Variants in ITGA3 observed in about 807,000 individuals in gnomAD.
The protein encoded by ITGA3 is integrin alpha-3.
ITGA3 carries 70 observed loss-of-function variants against 131.1 expected under a neutral mutation model. That is an observed-to-expected ratio of 0.53 (90% CI 0.44 to 0.65). The LOEUF (loss-of-function observed/expected upper bound fraction) is 0.65. Ranked by LOEUF, ITGA3 falls within the 30% of genes least tolerant of loss-of-function variation. The pLI is 0.00. For missense variants in ITGA3, 1,098 were observed against 1,388.6 expected, an observed-to-expected ratio of 0.79 and a Z score of 3.33; for synonymous variants, 537 against 571.6, an observed-to-expected ratio of 0.94 and a Z score of 0.86.
Position 50,056,452 on chromosome 17 carries a change from C to A in ITGA3, c.13C>A (p.Pro5Thr). ...TCCGCTGGCAGCCATGGGCCCCGGC[C>A]CCAGCCGCGCGCCCCGCGCCCCACG... MGPGPSRAPRAPRLM... is the reference protein window; with the variant it reads MGPGTSRAPRAPRLM... The change falls in exon 1 of 26, where the codon CCC becomes ACC. Residue 5 changes from proline to threonine, a missense_variant. Physicochemically the swap from Pro to Thr is conservative, Grantham distance 38. Coordinates refer to ENST00000320031, the MANE Select transcript of ITGA3 (RefSeq NM_002204.4). The surrounding 1 kb of genome is among the most constrained non-coding windows in gnomAD (Gnocchi z 5.6). The A allele has an allele frequency of 1.3e-6, 2 of 1,534,026 alleles. No individual in the cohort carries two copies. Among genetic ancestry groups the A allele is most frequent in the African/African-American group, 2.8e-5 (2 of 71,300 alleles).
Position 50,079,554 on chromosome 17 carries a change from G to A in ITGA3, c.2703G>A (p.Val901=). 2 of 1,527,784 alleles carry A rather than the reference G, an allele frequency of 1.3e-6. No homozygotes were observed. The highest frequency in any genetic ancestry group is 2.2e-5 in the Admixed American group (1 of 46,260). The allele number at this position is 1,527,784 out of a possible 1,614,324, so 94.6% of individuals were successfully genotyped here. ...CCAAAAAAGCCAAGTCTGAGACTGTGCTGGTGAGTGGCCAGGGCGAGGTTG... is the reference window on the plus strand; with the variant it reads ...CCAAAAAAGCCAAGTCTGAGACTGTACTGGTGAGTGGCCAGGGCGAGGTTG... The part of the protein sequence containing the change: ...AAAKKAKSET[V]LTCATGRAHC... Residue 901 remains valine, a synonymous_variant, in exon 21 of 26, where the codon GTG becomes GTA. Coordinates refer to ENST00000320031, the MANE Select transcript of ITGA3 (RefSeq NM_002204.4).
At chr17:50,057,710 G>A (rs758643761) in intron 1 of ITGA3, among the ~76,000 whole-genome samples, 63 of 152,302 alleles carry the variant, frequency 4.1e-4, no homozygotes, top group Middle Eastern at 3.4e-3. Flanking sequence ...GCCCCCACCT[G>A]GCCTCTGACC....
At chr17:50,087,559 G>A (rs1051581972) in intron 23 of ITGA3, 185 bp from the exon 24 acceptor site, 3 of 596,406 alleles carry the variant, frequency 5.0e-6, no homozygotes, top group Non-Finnish European at 8.7e-6. Flanking sequence ...GTCTGTGCCT[G>A]GGAGAAGCAG....
rs1909657303 is a variant in ITGA3, at chr17:50,090,272, G to T, written c.*1194G>T. ...TGGCTTTCAGAGCCAGCCTGGCTCT[G>T]CCCCCTCCCCCATGGGCTGTGTCCT... On this transcript the variant is annotated 3_prime_UTR_variant, in exon 26 of 26. Coordinates refer to ENST00000320031, the MANE Select transcript of ITGA3 (RefSeq NM_002204.4). The T allele has an allele frequency of 4.4e-6, 2 of 456,256 alleles. No individual in the cohort carries two copies. Among genetic ancestry groups the T allele is most frequent in the Admixed American group, 2.4e-5 (1 of 42,544 alleles). The allele number at this position is 456,256 out of a possible 1,614,324, so 28.3% of individuals were successfully genotyped here.
chr17:50,056,258 A>T lies in ITGA3; in HGVS notation c.-182A>T. The T allele has an allele frequency of 2.1e-6, 1 of 486,222 alleles. No individual in the cohort carries two copies. Among genetic ancestry groups the T allele is most frequent in the East Asian group, 3.6e-5 (1 of 28,056 alleles). 30.1% of individuals were successfully genotyped at this position (486,222 alleles called of 1,614,324 possible). A position where few individuals can be genotyped will look rare whatever the true frequency, so the allele number is the denominator to read the frequency against. On this transcript the variant is annotated 5_prime_UTR_variant, in exon 1 of 26. Coordinates refer to ENST00000320031, the MANE Select transcript of ITGA3 (RefSeq NM_002204.4). This position sits in a 1 kb window ranked among gnomAD's most constrained non-coding sequence, Gnocchi z 5.6. ...ATAGACCCACGGATCTTAGGAAGGG[A>T]TCCGAGAGCGCAGCTGTGAAACTGG...
rs114077415 is a variant in ITGA3 at position 50,079,851 on chromosome 17, G to A, written c.2706+294G>A. On this transcript the variant is annotated intron_variant, in intron 21 of 25. Coordinates refer to ENST00000320031, the MANE Select transcript of ITGA3 (RefSeq NM_002204.4). ...CTCAGAGCTTTGGCCGGCAGGAGGC[G>A]GTGTCGGGCAGGGCAATGGTGGGTG... is the stretch of plus-strand genomic sequence containing the variant. 2.8e-3 allele frequency among the ~76,000 whole-genome samples: 422 copies of A among 152,342 alleles called. 2 individuals carry two copies. Among genetic ancestry groups the A allele is most frequent in the African/African-American group, 9.9e-3 (412 of 41,588 alleles).
chr17:50,081,431 A>G, intron 23 of ITGA3, 23 bp downstream of exon 23: 3 of 1,510,722 alleles, frequency 2.0e-6, no homozygotes, highest in Non-Finnish European at 2.7e-6. Context: ...GTTCACTAGG[A>G]CAGCAGTCTC....
intron 1 of ITGA3, among the ~76,000 whole-genome samples, chr17:50,062,416 G>A (rs949945740): frequency 2.0e-5 from 3 of 152,172 alleles, no homozygotes; most frequent in Non-Finnish European, 4.4e-5. Flanking sequence ...GGATGTCCAT[G>A]GGTGGTCAGG....
chr17:50,062,328 C>T (rs1479117686), intron 1 of ITGA3, among the ~76,000 whole-genome samples: 7 of 152,194 alleles, frequency 4.6e-5, no homozygotes, highest in African/African-American at 7.2e-5. Flanking sequence ...GACCCAGGTC[C>T]GTGGGTTCTC....
Position 50,078,203 on chromosome 17 carries a change from C to T in ITGA3, c.2220-4C>T, listed in dbSNP as rs770973457. The T allele has an allele frequency of 6.2e-7, 1 of 1,613,944 alleles. No individual in the cohort carries two copies. On this transcript the variant is annotated splice_polypyrimidine_tract_variant and splice_region_variant and intron_variant, in intron 17 of 25. Coordinates refer to ENST00000320031, the MANE Select transcript of ITGA3 (RefSeq NM_002204.4). ...CCTTCCTAACCCCTGCATTTCCTCC[C>T]AAGGTCGAGTCACCAGGACAACCTG...
intron 7 of ITGA3, among the ~76,000 whole-genome samples, chr17:50,073,626 A>ACACG (rs1555555003): frequency 1.2e-4 from 16 of 134,052 alleles, no homozygotes; most frequent in African/African-American, 4.4e-4. Context: ...ACACACACAC[A>ACACG]CACACACGCA....
Position 50,088,349 on chromosome 17 carries a change from C to G in ITGA3, c.*14C>G, listed in dbSNP as rs187586850. ...GACGACTACTGAGGGGGCAGCCCCCCGCCCCCGGCCCACCTGGGTAACACG... is the reference window on the plus strand; with the variant it reads ...GACGACTACTGAGGGGGCAGCCCCCGGCCCCCGGCCCACCTGGGTAACACG... On this transcript the variant is annotated 3_prime_UTR_variant, in exon 25 of 26. Coordinates refer to ENST00000320031, the MANE Select transcript of ITGA3 (RefSeq NM_002204.4). 1.7e-3 allele frequency: 2,716 copies of G among 1,552,214 alleles called. 34 individuals are homozygous for G. The African/African-American group carries it at 0.033, about 19-fold the overall frequency.
intron 6 of ITGA3, 45 bp downstream of exon 6, chr17:50,071,563 C>T (rs761101448): frequency 2.6e-5 from 40 of 1,516,050 alleles, no homozygotes; most frequent in Middle Eastern, 4.6e-4. Context: ...GAGCGATGGG[C>T]GGGGGAAGGC....
In ITGA3 at chr17:50,076,406, G is replaced by C; in HGVS notation, c.1755G>C (p.Arg585=). The C allele has an allele frequency of 6.2e-7, 1 of 1,612,574 alleles. No homozygotes were observed. Among genetic ancestry groups the C allele is most frequent in the East Asian group, 2.2e-5 (1 of 44,874 alleles). Residue 585 remains arginine, a synonymous_variant, in exon 13 of 26, where the codon CGG becomes CGC. Transcript: ENST00000320031. ...SLPLRMPDRP[R]LGLRSLDAYP... is the part of the protein sequence containing the mutation. ...CTTTGCGGATGCCCGATCGCCCCCG[G>C]CTGGGGCTGCGGTCCCTGGACGCCT...
chr17:50,084,230 C>CAAAAAAAAAAA (rs61103198), intron 23 of ITGA3, among the ~76,000 whole-genome samples: 2 of 26,986 alleles, frequency 7.4e-5, no homozygotes, highest in African/African-American at 2.5e-4. Flanking sequence ...GACTCTGTCT[C>CAAAAAAAAAAA]AAAAAAAAAA....
At chr17:50,066,912 C>G (rs1908372091) in intron 3 of ITGA3, among the ~76,000 whole-genome samples, 1 of 152,096 alleles carries the variant, frequency 6.6e-6, no homozygotes, top group Non-Finnish European at 1.5e-5. Flanking sequence ...CCTTGTAACC[C>G]CTTCTAATCA....
Position 50,089,197 on chromosome 17 carries a change from C to A in ITGA3, c.*119C>A. 1 of 1,613,728 alleles carries A rather than the reference C, an allele frequency of 6.2e-7. No individual in the cohort carries two copies. Among genetic ancestry groups the A allele is most frequent in the Non-Finnish European group, 8.5e-7 (1 of 1,179,868 alleles). Reference sequence around the variant, plus strand: ...CCGGGAGGAGGAGCGCTACCCACCTCCAGGGAGCACCCTGCCCACCAAGAA... The same window carrying A: ...CCGGGAGGAGGAGCGCTACCCACCTACAGGGAGCACCCTGCCCACCAAGAA... On this transcript the variant is annotated 3_prime_UTR_variant, in exon 26 of 26. Coordinates refer to ENST00000320031, the MANE Select transcript of ITGA3 (RefSeq NM_002204.4).
rs774186539 is a variant in ITGA3 at position 50,077,381 on chromosome 17, C to A, written c.2073C>A (p.Pro691=). 1 of 1,613,878 alleles carries A rather than the reference C, an allele frequency of 6.2e-7. No homozygotes were observed. The highest frequency in any genetic ancestry group is 1.7e-5 in the Admixed American group (1 of 60,016). ...PALLLSSVRP[P]GACQANETIF... Reference sequence around the variant, plus strand: ...CCTTATTCGCCTTCTTTCCTCAGCCCGGGGCCTGCCAAGCTAATGAGACCA... The same window carrying A: ...CCTTATTCGCCTTCTTTCCTCAGCCAGGGGCCTGCCAAGCTAATGAGACCA... The change falls in exon 16 of 26, where the codon CCC becomes CCA. Residue 691 remains proline (P), a splice_region_variant and synonymous_variant. Coordinates refer to ENST00000320031, the MANE Select transcript of ITGA3 (RefSeq NM_002204.4).
chr17:50,063,376 G>A (rs138535564), intron 1 of ITGA3, among the ~76,000 whole-genome samples: 206 of 152,224 alleles, frequency 1.4e-3, no homozygotes, highest in African/African-American at 4.6e-3. Context: ...CACCCAGGTC[G>A]CTTAGGGGCC....
Sources: allele counts gnomAD v4.1 joint callset (sites outside exome capture counted in the v4.1 genomes callset), GRCh38; gene constraint gnomAD v4.1.1; non-coding constraint Gnocchi (gnomAD v3.1); transcripts MANE v1.5; gene names NCBI Gene and HGNC (gene_info 2026-07-23, HGNC 2026-07-21).